Variants in ABCA13 observed in about 807,000 individuals in gnomAD.
ABCA13 encodes the protein ATP binding cassette subfamily A member 13, also known as ATP-binding cassette sub-family A member 13.
A neutral mutation model predicts 478.7 loss-of-function variants in ABCA13; 476 were observed. That is an observed-to-expected ratio of 0.99 (90% confidence interval 0.92 to 1.07). The LOEUF (loss-of-function observed/expected upper bound fraction) is 1.07. Ranked by LOEUF, ABCA13 falls within the 50% of genes least tolerant of loss-of-function variation. The probability of loss-of-function intolerance (pLI) is 0.00; values close to 1 mark genes in which losing one functional copy is unlikely to be tolerated. For synonymous variants in ABCA13, 2,252 were observed against 2,158.9 expected (o/e 1.04, Z -1.20); for missense variants, 6,060 against 5,910.6 (o/e 1.03, Z -0.83).
chr7:48,346,986 T>C lies in ABCA13; in HGVS notation c.10205-3657T>C, dbSNP rs115931713. 3.9e-3 allele frequency among the ~76,000 whole-genome samples: 592 copies of C among 152,272 alleles called. 5 individuals are homozygous for C. Among genetic ancestry groups the C allele is most frequent in the African/African-American group, 0.013 (547 of 41,538 alleles). ...TTTTGATGCCTCCCATGGCTATAATTGCCCATAAGAATATCCAAGTTTAGC... is the reference window on the plus strand; with the variant it reads ...TTTTGATGCCTCCCATGGCTATAATCGCCCATAAGAATATCCAAGTTTAGC... On this transcript the variant is annotated intron_variant, in intron 29 of 61. Coordinates refer to ENST00000435803, the MANE Select transcript of ABCA13 (RefSeq NM_152701.5).
chr7:48,512,117 AAGAG>A (rs1000490470), intron 51 of ABCA13, among the ~76,000 whole-genome samples: 2 of 151,802 alleles, frequency 1.3e-5, no homozygotes, highest in South Asian at 2.1e-4. Context: ...AAGAGACACT[AAGAG>A]AGAGAGGGAG....
intron 55 of ABCA13, among the ~76,000 whole-genome samples, chr7:48,537,082 A>C (rs1406669724): frequency 2.0e-5 from 3 of 152,046 alleles, no homozygotes; most frequent in Non-Finnish European, 2.9e-5. Flanking sequence ...TATATTTTCC[A>C]GATTCTGACT....
intron 45 of ABCA13, among the ~76,000 whole-genome samples, chr7:48,473,970 A>G (rs1199793412): frequency 1.3e-5 from 2 of 152,162 alleles, no homozygotes; most frequent in African/African-American, 2.4e-5. Context: ...GGAACTCTCC[A>G]TGTTTCCCTC....
chr7:48,307,940 T>C (rs1801157481), intron 23 of ABCA13, among the ~76,000 whole-genome samples: 1 of 152,156 alleles, frequency 6.6e-6, no homozygotes, highest in South Asian at 2.1e-4. Flanking sequence ...TGCCTTAGCC[T>C]CCCAAAGTAC....
chr7:48,360,776 C>T (rs574022191), intron 31 of ABCA13, among the ~76,000 whole-genome samples: 10 of 152,038 alleles, frequency 6.6e-5, no homozygotes, highest in East Asian at 1.9e-4. Flanking sequence ...GAACTATTTA[C>T]GCAGTACTTA....
At chr7:48,384,042 ATTGTGTCATCTAGAATCCTAGAAT>A (rs1284425501) in intron 35 of ABCA13, among the ~76,000 whole-genome samples, 1 of 152,194 alleles carries the variant, frequency 6.6e-6, no homozygotes, top group African/African-American at 2.4e-5. Flanking sequence ...CCACTTTGTC[ATTGTGTCATCTAGAATCCTAGAAT>A]TTTAATTGCT....
chr7:48,196,272 A>G (rs192599906), intron 2 of ABCA13, among the ~76,000 whole-genome samples: 1 of 152,222 alleles, frequency 6.6e-6, no homozygotes, highest in Admixed American at 6.5e-5. Flanking sequence ...TTGTATCAGG[A>G]CTGCAGTCCA....
chr7:48,626,881 G>A lies in ABCA13; in HGVS notation c.14837+11504G>A, dbSNP rs552030030. ...TGGAGAATTCCTACGAGGAAGGGCT[G>A]TTGATATTCATGTTCTCTTTGCTAT... is the stretch of plus-strand genomic sequence containing the variant. On this transcript the variant is annotated intron_variant, in intron 59 of 61. Transcript: ENST00000435803. 33 of 985,412 alleles carry A rather than the reference G, an allele frequency of 3.3e-5. No individual in the cohort carries two copies. In the South Asian group the frequency reaches 7.5e-4, roughly 22 times the overall value. 61.0% of individuals were successfully genotyped at this position (985,412 alleles called of 1,614,324 possible).
intron 48 of ABCA13, among the ~76,000 whole-genome samples, chr7:48,492,187 G>A (rs1441029069): frequency 3.3e-5 from 5 of 152,178 alleles, no homozygotes; most frequent in Admixed American, 6.5e-5. Flanking sequence ...CTCATGTCTC[G>A]CTTATGGCCC....
At chr7:48,516,146 A>G (rs1484868210) in intron 51 of ABCA13, among the ~76,000 whole-genome samples, 1 of 152,232 alleles carries the variant, frequency 6.6e-6, no homozygotes, top group African/African-American at 2.4e-5. Context: ...AATTGCATCT[A>G]TAATTCAGTC....
intron 55 of ABCA13, among the ~76,000 whole-genome samples, chr7:48,555,472 G>T (rs2131222853): frequency 6.6e-6 from 1 of 151,784 alleles, no homozygotes; most frequent in Admixed American, 6.6e-5. Flanking sequence ...TTTATTTTTT[G>T]CTGGGATATT....
At chr7:48,489,482 A>T (rs1341037942) in intron 48 of ABCA13, 138 bp downstream of exon 48, 7 of 670,536 alleles carry the variant, frequency 1.0e-5, no homozygotes, top group East Asian at 8.5e-5. Context: ...ATCCGTGTCT[A>T]AACACAATAC....
rs560333295 is a variant in ABCA13 at position 48,386,546 on chromosome 7, C to T, written c.11336-1276C>T. Among the ~76,000 whole-genome samples, 3 of 152,246 alleles carry T rather than the reference C, an allele frequency of 2.0e-5. 1 individual carries two copies. The South Asian group carries it at 6.2e-4, about 32-fold the overall frequency. ...TCTGGTACAAGAACAGACACATAGA[C>T]TAACAGAACAGAATAGAGAACCCAG... On this transcript the variant is annotated intron_variant, in intron 35 of 61. Coordinates refer to ENST00000435803, the MANE Select transcript of ABCA13 (RefSeq NM_152701.5).
chr7:48,575,254 G>A (rs1371298726), intron 55 of ABCA13, among the ~76,000 whole-genome samples: 1 of 152,032 alleles, frequency 6.6e-6, no homozygotes, highest in Non-Finnish European at 1.5e-5. Context: ...GAGCACTATG[G>A]AAAGATTCTA....
rs1797979617 is a variant in ABCA13, at chr7:48,287,874, G to A, written c.8837-86G>A. ...AATGTTTAGGAATTTGTATCACTTT[G>A]AATCTTTAAAAAGTGATTTTGTGAG... On this transcript the variant is annotated intron_variant, in intron 19 of 61. Transcript: ENST00000435803. 7 of 984,158 alleles carry A rather than the reference G, an allele frequency of 7.1e-6. No homozygotes were observed. The Admixed American group carries it at 1.2e-4, about 16-fold the overall frequency. 61.0% of individuals were successfully genotyped at this position (984,158 alleles called of 1,614,324 possible).
intron 1 of ABCA13, among the ~76,000 whole-genome samples, chr7:48,185,709 A>G (rs555744261): frequency 2.0e-5 from 3 of 152,254 alleles, no homozygotes; most frequent in South Asian, 2.1e-4. Flanking sequence ...TACAAATCAT[A>G]TGTTATTTAA....
intron 55 of ABCA13, among the ~76,000 whole-genome samples, chr7:48,571,049 A>C (rs2131319736): frequency 1.3e-5 from 2 of 152,322 alleles, no homozygotes; most frequent in East Asian, 3.9e-4. Flanking sequence ...GATTAATACC[A>C]ACTTAATTTC....
At chr7:48,328,489 A>G (rs1385137858) in intron 27 of ABCA13, among the ~76,000 whole-genome samples, 1 of 152,158 alleles carries the variant, frequency 6.6e-6, no homozygotes, top group African/African-American at 2.4e-5. Context: ...CCTCCTATAA[A>G]ATAGCAGTTC....
intron 58 of ABCA13, among the ~76,000 whole-genome samples, chr7:48,608,620 C>G (rs985314048): frequency 2.6e-5 from 4 of 152,228 alleles, no homozygotes; most frequent in Non-Finnish European, 5.9e-5. Context: ...ACCCAATGGT[C>G]CAAATTGTTT....
Sources: gnomAD v4.1 joint callset for allele counts (sites outside exome capture counted in the v4.1 genomes callset) on GRCh38, gnomAD v4.1.1 for gene constraint, MANE v1.5 for transcripts, NCBI Gene and HGNC (gene_info 2026-07-23, HGNC 2026-07-21) for gene names.